The following PSMD10 variants were observed in gnomAD, a reference collection of about 807,000 sequenced individuals.
The protein encoded by PSMD10 is 26S proteasome non-ATPase regulatory subunit 10.
PSMD10 carries 2 observed loss-of-function variants against 13.2 expected under a neutral mutation model. The observed-to-expected ratio is 0.15, with a 90% CI of 0.06 to 0.48. The LOEUF is 0.48. PSMD10 is among the 20% of genes least tolerant of loss of function. The pLI, the probability that PSMD10 is intolerant of heterozygous loss-of-function variation, is 0.97. For synonymous variants in PSMD10, 66 were observed against 64.4 expected (o/e 1.03, Z -0.12); for missense variants, 120 against 167.4 (o/e 0.72, Z 1.56).
In PSMD10 at chrX:108,084,899, G is replaced by A. The variant is rs2031477936; in HGVS notation, c.*75C>T. The A allele has an allele frequency of 9.7e-7, 1 of 1,034,632 alleles. No homozygotes were observed. The highest frequency in any genetic ancestry group is 1.3e-6 in the Non-Finnish European group (1 of 783,753). 85.3% of individuals were successfully genotyped at this position (1,034,632 alleles called of 1,213,427 possible). ...CTTCATCATTCATAGATGATGTCTTGTGCACAAATACATTAGTTTGTAGGA... is the reference window on the plus strand; with the variant it reads ...CTTCATCATTCATAGATGATGTCTTATGCACAAATACATTAGTTTGTAGGA... On this transcript the variant is annotated 3_prime_UTR_variant, in exon 5 of 5. Transcript: ENST00000217958.
In PSMD10 at chrX:108,087,819, G is replaced by T. The variant is rs752837111; in HGVS notation, c.394C>A (p.Pro132Thr). 41 of 1,209,852 alleles carry T rather than the reference G, an allele frequency of 3.4e-5. No individual in the cohort carries two copies. In the South Asian group the frequency reaches 7.0e-4, roughly 21 times the overall value. The change falls in exon 4 of 5, where the codon CCA becomes ACA. Residue 132 changes from proline (P) to threonine (T), a missense_variant. Pro to Thr is a conservative substitution (Grantham distance 38). Transcript: ENST00000217958. ...GCCTCATAATGGTCCTTAGCATCTG[G>T]ATTAGCCCCGCCTTCCAGTAACATG... ...AVMLLEGGAN[P>T]DAKDHYEATA...
chrX:108,087,838 T>C lies in PSMD10; in HGVS notation c.375A>G (p.Leu125=), dbSNP rs1440309987. 3 of 1,209,493 alleles carry C rather than the reference T, an allele frequency of 2.5e-6. No homozygotes were observed. In the African/African-American group the frequency reaches 5.3e-5, roughly 21 times the overall value. The change falls in exon 4 of 5, where the codon TTA becomes TTG. Residue 125 remains leucine (L), a synonymous_variant. Transcript: ENST00000217958. ...CATCTGGATTAGCCCCGCCTTCCAG[T>C]AACATGACAGCGATCTGGAAAGATG... The part of the protein sequence containing the change: ...SKNRHEIAVM[L]LEGGANPDAK...
At position 108,087,799 on chromosome X, in the gene PSMD10, A is replaced by G. The variant is rs770654444; in HGVS notation, c.414T>C (p.Tyr138=). 25 of 1,210,252 alleles carry G rather than the reference A, an allele frequency of 2.1e-5. No individual in the cohort carries two copies. In the Admixed American group the frequency reaches 4.2e-4, roughly 20 times the overall value. ...CTGCCCGGTGCATTGCTGTAGCCTC[A>G]TAATGGTCCTTAGCATCTGGATTAG... ...GGANPDAKDH[Y]EATAMHRAAA... The change falls in exon 4 of 5, where the codon TAT becomes TAC. Residue 138 remains tyrosine (Y), a synonymous_variant. Transcript: ENST00000217958.
chrX:108,084,778 G>A lies in PSMD10; in HGVS notation c.*196C>T, dbSNP rs778491632. 3.3e-5 allele frequency: 13 copies of A among 395,664 alleles called. No individual in the cohort carries two copies. The South Asian group carries it at 9.5e-4, about 29-fold the overall frequency. The allele number at this position is 395,664 out of a possible 1,213,427, so 32.6% of individuals were successfully genotyped here. A position where few individuals can be genotyped will look rare whatever the true frequency, so the allele number is the denominator to read the frequency against. ...CGACAACAGTAGAACAATCTCAACAGTTATTCGATGCCTGGAAAACAAGCT... is the reference window on the plus strand; with the variant it reads ...CGACAACAGTAGAACAATCTCAACAATTATTCGATGCCTGGAAAACAAGCT... On this transcript the variant is annotated 3_prime_UTR_variant, in exon 5 of 5. Coordinates refer to ENST00000217958, the MANE Select transcript of PSMD10 (RefSeq NM_002814.4).
chrX:108,091,538 T>C lies in PSMD10; in HGVS notation c.-18A>G, dbSNP rs2031619371. On this transcript the variant is annotated 5_prime_UTR_variant, in exon 1 of 5. Coordinates refer to ENST00000217958, the MANE Select transcript of PSMD10 (RefSeq NM_002814.4). ...CCCTCCATTTCGCTGTCCCAGCAAC[T>C]ACTTGTCGCGCGAGCAACGCCCGCC... 1.1e-5 allele frequency: 13 copies of C among 1,194,195 alleles called. No individual in the cohort carries two copies. The East Asian group carries it at 3.6e-4, about 33-fold the overall frequency.
At chrX:108,086,704 A>T (rs112518032) in intron 4 of PSMD10, among the ~76,000 whole-genome samples, 1 of 111,437 alleles carries the variant, frequency 9.0e-6, no homozygotes, top group African/African-American at 3.3e-5. Context: ...CCTCTATGAA[A>T]TATCATTTTC....
Position 108,085,026 on chromosome X carries a change from T to C in PSMD10, c.629A>G (p.Gln210Arg), listed in dbSNP as rs1418009446. The stretch of plus-strand genomic sequence containing the variant: ...TAAACCCAGGCCACCTTTGGCCACT[T>C]GCAGGGGTGTCTTTTCTTCTTTATT... Reference protein sequence around the residue: ...IENKEEKTPLQVAKGGLGLIL... With the variant: ...IENKEEKTPLRVAKGGLGLIL... The change falls in exon 5 of 5, where the codon CAA (glutamine) becomes CGA (arginine). Residue 210 changes from glutamine to arginine, a missense_variant. Physicochemically the swap from Gln to Arg is conservative, Grantham distance 43. Transcript: ENST00000217958. 8.3e-6 allele frequency: 10 copies of C among 1,210,426 alleles called. No individual in the cohort carries two copies. The highest frequency in any genetic ancestry group is 1.1e-5 in the Non-Finnish European group (10 of 894,833).
Position 108,091,428 on chromosome X carries a change from G to C in PSMD10, c.93C>G (p.Ser31=), listed in dbSNP as rs1455256207. ...ELKESILADK[S]LATRTDQDSR... ...TTACCTGGTCAGTTCTAGTAGCCAG[G>C]GATTTATCGGCCAGAATACTCTCCT... Residue 31 remains serine, a synonymous_variant, in exon 1 of 5, where the codon TCC becomes TCG. Coordinates refer to ENST00000217958, the MANE Select transcript of PSMD10 (RefSeq NM_002814.4). 1 of 1,211,839 alleles carries C rather than the reference G, an allele frequency of 8.3e-7. No individual in the cohort carries two copies. The highest frequency in any genetic ancestry group is 2.2e-5 in the Admixed American group (1 of 46,155).
rs1245979091 is a variant in PSMD10 at position 108,084,318 on chromosome X, G to T, written c.*656C>A. On this transcript the variant is annotated 3_prime_UTR_variant, in exon 5 of 5. Coordinates refer to ENST00000217958, the MANE Select transcript of PSMD10 (RefSeq NM_002814.4). ...TTTCAATACAGGATGACACAAAATA[G>T]GTACTTTAAAACTTCCTTTTAAGAA... 1 of 112,381 alleles carries T rather than the reference G, an allele frequency of 8.9e-6. No homozygotes were observed. The highest frequency in any genetic ancestry group is 3.2e-5 in the African/African-American group (1 of 30,950). 9.3% of individuals were successfully genotyped at this position (112,381 alleles called of 1,213,427 possible).
In PSMD10 at chrX:108,087,977, A is replaced by G; in HGVS notation, c.336T>C (p.Tyr112=). The change falls in exon 3 of 5, where the codon TAT becomes TAC. Residue 112 remains tyrosine (Y), a synonymous_variant. Coordinates refer to ENST00000217958, the MANE Select transcript of PSMD10 (RefSeq NM_002814.4). The part of the protein sequence containing the change: ...VNQNGCTPLH[Y]AASKNRHEIA... Reference sequence around the variant, plus strand: ...CCTCATGCCTGTTTTTCGAAGCTGCATAATGTAAGGGAGTACAGCCATTTT... The same window carrying G: ...CCTCATGCCTGTTTTTCGAAGCTGCGTAATGTAAGGGAGTACAGCCATTTT... 1 of 1,211,873 alleles carries G rather than the reference A, an allele frequency of 8.3e-7. No homozygotes were observed. The highest frequency in any genetic ancestry group is 1.8e-5 in the South Asian group (1 of 56,999).
intron 4 of PSMD10, chrX:108,087,447 A>G: frequency 2.8e-6 from 1 of 357,214 alleles, no homozygotes; most frequent in Non-Finnish European, 4.6e-6. Context: ...ATGTATGTAT[A>G]AAATATATAC....
intron 1 of PSMD10, among the ~76,000 whole-genome samples, chrX:108,091,191 C>A (rs1343287579): frequency 1.8e-5 from 2 of 113,447 alleles, no homozygotes; most frequent in Non-Finnish European, 3.7e-5. Flanking sequence ...AATCAGGGAG[C>A]GGAGCTCCGG....
At chrX:108,090,240 A>G (rs2031565761) in intron 1 of PSMD10, among the ~76,000 whole-genome samples, 1 of 112,025 alleles carries the variant, frequency 8.9e-6, no homozygotes, top group African/African-American at 3.2e-5. Context: ...TCCGGTCTGT[A>G]TTCAGATTGC....
chrX:108,086,705 TATC>T (rs201653092), intron 4 of PSMD10, among the ~76,000 whole-genome samples: 1,335 of 111,730 alleles, frequency 0.012, 13 homozygotes, highest in South Asian at 0.028. Context: ...CTCTATGAAA[TATC>T]ATTTTCACAT....
rs746183165 is a variant in PSMD10, at chrX:108,088,870, G to A, written c.115-20C>T. 1 of 1,098,881 alleles carries A rather than the reference G, an allele frequency of 9.1e-7. No homozygotes were observed. Among genetic ancestry groups the A allele is most frequent in the Non-Finnish European group, 1.2e-6 (1 of 818,727 alleles). The allele number at this position is 1,098,881 out of a possible 1,213,427, so 90.6% of individuals were successfully genotyped here. A position where few individuals can be genotyped will look rare whatever the true frequency, so the allele number is the denominator to read the frequency against. ...GCTGTCCTACAGAGAAGCAGTAATA[G>A]AAACATTCTTGAAATAGAAGGCAAA... On this transcript the variant is annotated intron_variant, in intron 1 of 4. Transcript: ENST00000217958.
intron 1 of PSMD10, among the ~76,000 whole-genome samples, chrX:108,090,715 T>C (rs2147944332): frequency 8.9e-6 from 1 of 112,263 alleles, no homozygotes; most frequent in African/African-American, 3.2e-5. Flanking sequence ...AAACTGAGGA[T>C]GAAAGCACGA....
intron 1 of PSMD10, among the ~76,000 whole-genome samples, chrX:108,089,262 G>A (rs1451228695): frequency 9.0e-6 from 1 of 111,392 alleles, no homozygotes; most frequent in Admixed American, 9.5e-5. Flanking sequence ...TTCAGATGAG[G>A]AAACTAAAAC....
At position 108,084,982 on chromosome X, in the gene PSMD10, C is replaced by A; in HGVS notation, c.673G>T (p.Glu225Ter). Residue 225 changes from glutamate to a stop codon, truncating the protein, a stop_gained, in exon 5 of 5, where the codon GAA (glutamate) becomes TAA (stop). Coordinates refer to ENST00000217958, the MANE Select transcript of PSMD10 (RefSeq NM_002814.4). LOFTEE classifies it high-confidence loss of function. ...GLGLILKRMV[E>*]G ...GAATAAATCCAAGCTGTTTAACCTT[C>A]CACCATTCTCTTGAGTATTAAACCC... The A allele has an allele frequency of 8.3e-7, 1 of 1,201,097 alleles. No individual in the cohort carries two copies. The highest frequency in any genetic ancestry group is 1.1e-6 in the Non-Finnish European group (1 of 891,159).
chrX:108,085,191 C>T, intron 4 of PSMD10, 64 bp from the exon 5 acceptor site: 1 of 1,027,789 alleles, frequency 9.7e-7, no homozygotes, highest in Non-Finnish European at 1.3e-6. Flanking sequence ...GTTAGGATTT[C>T]TTGCTAGGTA....
Sources: gnomAD v4.1 joint callset for allele counts (sites outside exome capture counted in the v4.1 genomes callset) on GRCh38, gnomAD v4.1.1 for gene constraint, MANE v1.5 for transcripts, NCBI Gene and HGNC (gene_info 2026-07-23, HGNC 2026-07-21) for gene names.